PDE8B: variants seen among roughly 807,000 people sequenced by gnomAD.
The protein encoded by PDE8B is high affinity cAMP-specific and IBMX-insensitive 3',5'-cyclic phosphodiesterase 8B.
A neutral mutation model predicts 101.3 loss-of-function variants in PDE8B; 26 were observed. That is an observed-to-expected ratio of 0.26 (90% CI 0.19 to 0.36). The LOEUF is 0.36. PDE8B is among the 10% of genes least tolerant of loss of function. The probability of loss-of-function intolerance (pLI) is 1.00; values close to 1 mark genes in which losing one functional copy is unlikely to be tolerated. For missense variants in PDE8B, 810 were observed against 1,163.1 expected (o/e 0.70, Z 4.42); for synonymous variants, 424 against 429.3 (o/e 0.99, Z 0.15).
At chr5:77,197,468 T>C in the PDE8B span, among the ~76,000 whole-genome samples, 1 of 152,086 alleles carries the variant, frequency 6.6e-6, no homozygotes, top group African/African-American at 2.4e-5. Flanking sequence ...TACTATGTAT[T>C]AATTTCTGTT....
chr5:77,109,893 T>C, the PDE8B span, among the ~76,000 whole-genome samples: 1 of 146,200 alleles, frequency 6.8e-6, no homozygotes, highest in Non-Finnish European at 1.5e-5. Context: ...TAGAAATGAA[T>C]CACTAAAACA....
At chr5:77,364,079 T>C (rs1487503466) in intron 10 of PDE8B, among the ~76,000 whole-genome samples, 1 of 152,168 alleles carries the variant, frequency 6.6e-6, no homozygotes, top group East Asian at 1.9e-4. Context: ...GCTAACTGCA[T>C]CTGTACGGAG....
the PDE8B span, among the ~76,000 whole-genome samples, chr5:77,150,964 A>C: frequency 6.6e-6 from 1 of 152,208 alleles, no homozygotes; most frequent in Non-Finnish European, 1.5e-5. Context: ...TGAAGGGCAA[A>C]ACAGAGACCA....
At chr5:77,109,898 A>G in the PDE8B span, among the ~76,000 whole-genome samples, 2 of 151,358 alleles carry the variant, frequency 1.3e-5, no homozygotes, top group East Asian at 3.9e-4. Context: ...ATGAATCACT[A>G]AAACATATTT....
intron 6 of PDE8B, among the ~76,000 whole-genome samples, chr5:77,344,066 G>A (rs991746571): frequency 5.9e-5 from 9 of 151,626 alleles, no homozygotes; most frequent in African/African-American, 2.2e-4. Context: ...CCTTCTTCTG[G>A]GATACCTCCT....
chr5:77,255,075 C>T (rs1758827871), intron 1 of PDE8B, among the ~76,000 whole-genome samples: 1 of 152,160 alleles, frequency 6.6e-6, no homozygotes, highest in African/African-American at 2.4e-5. Flanking sequence ...GAAGTGGTGC[C>T]CTCCCAAGAC....
the PDE8B span, among the ~76,000 whole-genome samples, chr5:77,149,641 A>G: frequency 6.6e-6 from 1 of 151,996 alleles, no homozygotes; most frequent in Non-Finnish European, 1.5e-5. Context: ...TTTTAATTTT[A>G]TTTTTTGGGC....
chr5:77,158,695 A>G, the PDE8B span, among the ~76,000 whole-genome samples: 2 of 152,106 alleles, frequency 1.3e-5, no homozygotes, highest in African/African-American at 4.8e-5. Flanking sequence ...GCACGTTCCT[A>G]GGTTGAAATA....
intron 7 of PDE8B, among the ~76,000 whole-genome samples, chr5:77,347,048 A>G (rs1200991543): frequency 6.6e-6 from 1 of 152,146 alleles, no homozygotes; most frequent in Non-Finnish European, 1.5e-5. Flanking sequence ...GTGTCTGTCT[A>G]TCCATCTGTT....
chr5:77,227,928 A>G (rs1580432440), intron 1 of PDE8B, among the ~76,000 whole-genome samples: 2 of 152,154 alleles, frequency 1.3e-5, no homozygotes, highest in African/African-American at 2.4e-5. Context: ...TTTATAACAC[A>G]TTACCATAGA....
At chr5:77,088,635 C>CT in the PDE8B span, 1 of 152,252 alleles carries the variant, frequency 6.6e-6, no homozygotes, top group Admixed American at 6.5e-5. Flanking sequence ...GGTGGATTCT[C>CT]TAACTGTCCC....
intron 1 of PDE8B, among the ~76,000 whole-genome samples, chr5:77,309,943 C>CTTTTTTTTTTTTTTTT (rs955296324): frequency 2.6e-5 from 3 of 114,152 alleles, no homozygotes; most frequent in South Asian, 2.9e-4. Context: ...AATCATTAAT[C>CTTTTTTTTTTTTTTTT]TTTTTTTTTT....
At chr5:77,325,154 G>T (rs773365468) in intron 2 of PDE8B, among the ~76,000 whole-genome samples, 6 of 97,778 alleles carry the variant, frequency 6.1e-5, no homozygotes, top group Non-Finnish European at 1.2e-4. Flanking sequence ...CTGGTCTTTT[G>T]GTTGTTTTGG....
At chr5:77,165,362 T>C in the PDE8B span, 1 of 152,162 alleles carries the variant, frequency 6.6e-6, no homozygotes, top group Non-Finnish European at 1.5e-5. Flanking sequence ...CACACTCAGC[T>C]CTCATGAACC....
intron 13 of PDE8B, among the ~76,000 whole-genome samples, chr5:77,407,840 A>C (rs1581537137): frequency 6.6e-6 from 1 of 152,324 alleles, no homozygotes; most frequent in East Asian, 1.9e-4. Context: ...TGGAACATTT[A>C]AGGAGCTGAA....
the PDE8B span, among the ~76,000 whole-genome samples, chr5:77,185,755 CTG>C: frequency 6.6e-6 from 1 of 152,078 alleles, no homozygotes; most frequent in African/African-American, 2.4e-5. Context: ...TAACCCAAAA[CTG>C]TTATTTTTCT....
chr5:77,279,066 C>A (rs1764428194), intron 1 of PDE8B, among the ~76,000 whole-genome samples: 2 of 152,142 alleles, frequency 1.3e-5, no homozygotes, highest in South Asian at 4.1e-4. Context: ...GTTTCATCTA[C>A]AATTACATCT....
intron 1 of PDE8B, among the ~76,000 whole-genome samples, chr5:77,304,983 T>G (rs928889595): frequency 6.6e-6 from 1 of 152,196 alleles, no homozygotes; most frequent in Admixed American, 6.5e-5. Flanking sequence ...TGTTGTTACC[T>G]TCCACGAGGT....
chr5:77,396,417 G>T (rs905748871), intron 10 of PDE8B, among the ~76,000 whole-genome samples: 1 of 152,118 alleles, frequency 6.6e-6, no homozygotes, highest in Non-Finnish European at 1.5e-5. Context: ...AATAACCAAG[G>T]TACTGAATAT....
Sources: gnomAD v4.1 joint callset for allele counts (sites outside exome capture counted in the v4.1 genomes callset) on GRCh38, gnomAD v4.1.1 for gene constraint, MANE v1.5 for transcripts, NCBI Gene and HGNC (gene_info 2026-07-23, HGNC 2026-07-21) for gene names.